The following CNIH3 variants were observed in gnomAD, a reference collection of about 807,000 sequenced individuals.
CNIH3 encodes the protein protein cornichon homolog 3.
A neutral mutation model predicts 24.1 loss-of-function variants in CNIH3; 14 were observed. That is an observed-to-expected ratio of 0.58 (90% CI 0.38 to 0.91). The LOEUF (loss-of-function observed/expected upper bound fraction) is 0.91, where lower values mean the gene tolerates loss of function less well. Ranked by LOEUF, CNIH3 falls within the 40% of genes least tolerant of loss-of-function variation. The pLI is 0.00. For synonymous variants in CNIH3, 68 were observed against 73.8 expected, an observed-to-expected ratio of 0.92 and a Z score of 0.40; for missense variants, 178 against 196.8, an observed-to-expected ratio of 0.90 and a Z score of 0.57.
At chr1:224,574,828 A>G (rs1680967418) in intron 4 of CNIH3, 6 of 931,788 alleles carry the variant, frequency 6.4e-6, no homozygotes, top group Non-Finnish European at 1.1e-5. Flanking sequence ...GGTAATGGTA[A>G]TGTGGTTCCC....
rs141963406 is a variant in CNIH3 at position 224,497,300 on chromosome 1, A to G, written n.204-18441A>G. 3.3e-3 allele frequency among the ~76,000 whole-genome samples: 497 copies of G among 152,336 alleles called. 30 individuals carry two copies. The South Asian group carries it at 0.086, about 26-fold the overall frequency. ...AATGTTCTAGAATTAGCTAGTGGTG[A>G]TGTTTGCACAACATAGTGAATATAC... is the stretch of plus-strand genomic sequence containing the variant. On this transcript the variant is annotated intron_variant and non_coding_transcript_variant, in intron 1 of 5. Transcript: ENST00000471578.
At chr1:224,489,731 G>A (rs1303018172) in intron 1 of CNIH3, among the ~76,000 whole-genome samples, 1 of 152,182 alleles carries the variant, frequency 6.6e-6, no homozygotes, top group Non-Finnish European at 1.5e-5. Context: ...CCATAGACTG[G>A]GCAGCTTGTA....
chr1:224,445,289 CT>C (rs1054826225), intron 1 of CNIH3, among the ~76,000 whole-genome samples: 4 of 151,664 alleles, frequency 2.6e-5, no homozygotes, highest in African/African-American at 9.7e-5. Flanking sequence ...ATTGTGTTGC[CT>C]TTTGGCCGGG....
intron 1 of CNIH3, among the ~76,000 whole-genome samples, chr1:224,677,531 C>T (rs1428664112): frequency 1.1e-4 from 16 of 152,304 alleles, no homozygotes; most frequent in Non-Finnish European, 2.2e-4. Context: ...TCAGAAAGCA[C>T]CCATGAAGGA....
At chr1:224,506,276 C>T (rs1677908891) in intron 1 of CNIH3, among the ~76,000 whole-genome samples, 1 of 43,618 alleles carries the variant, frequency 2.3e-5, no homozygotes, top group Non-Finnish European at 5.2e-5. Context: ...CACACGCGCG[C>T]GCGCGCGCGC....
chr1:224,728,041 C>T (rs1689126034), intron 3 of CNIH3, among the ~76,000 whole-genome samples: 3 of 152,088 alleles, frequency 2.0e-5, no homozygotes. Context: ...AGAGAAGAAG[C>T]AGTGGTGATT....
intron 3 of CNIH3, among the ~76,000 whole-genome samples, chr1:224,725,633 G>C (rs1290816897): frequency 6.6e-6 from 1 of 152,124 alleles, no homozygotes; most frequent in Non-Finnish European, 1.5e-5. Context: ...TTGGTCCCAG[G>C]CATGCTGACA....
At chr1:224,720,752 G>T (rs747939446) in intron 3 of CNIH3, among the ~76,000 whole-genome samples, 3 of 152,104 alleles carry the variant, frequency 2.0e-5, no homozygotes, top group African/African-American at 4.8e-5. Flanking sequence ...ACTATTCCCT[G>T]GAAGTCTCCC....
At chr1:224,528,568 C>T (rs1678935985) in intron 2 of CNIH3, among the ~76,000 whole-genome samples, 2 of 152,154 alleles carry the variant, frequency 1.3e-5, no homozygotes, top group African/African-American at 2.4e-5. Flanking sequence ...AGTGATCCAC[C>T]TCAGCCTCCT....
At chr1:224,682,871 A>C (rs1236894472) in intron 2 of CNIH3, among the ~76,000 whole-genome samples, 4 of 152,264 alleles carry the variant, frequency 2.6e-5, no homozygotes, top group Admixed American at 2.6e-4. Flanking sequence ...GTCTGATTCC[A>C]GGGCAAATGC....
chr1:224,435,045 C>A, intron 1 of CNIH3: 1 of 985,590 alleles, frequency 1.0e-6, no homozygotes, highest in Non-Finnish European at 1.2e-6. Flanking sequence ...TCGGCTGGCT[C>A]GACGAGCAGT....
In CNIH3 at chr1:224,684,727, G is replaced by A. The variant is rs1686568619; in HGVS notation, c.151-69G>A. On this transcript the variant is annotated intron_variant, in intron 2 of 5. Coordinates refer to ENST00000272133, the MANE Select transcript of CNIH3 (RefSeq NM_152495.2). The surrounding 1 kb of genome is among the most constrained non-coding windows in gnomAD (Gnocchi z 4.2). The stretch of plus-strand genomic sequence containing the variant: ...CCTCCACTATTGGGGCTGATTGCGG[G>A]GCCTTCTCATGCTATTTTAGCAGAA... The A allele has an allele frequency of 1.4e-6, 2 of 1,401,442 alleles. No homozygotes were observed. The highest frequency in any genetic ancestry group is 3.3e-5 in the Admixed American group (2 of 59,738). 86.8% of individuals were successfully genotyped at this position (1,401,442 alleles called of 1,614,324 possible). A position where few individuals can be genotyped will look rare whatever the true frequency, so the allele number is the denominator to read the frequency against.
At chr1:224,644,968 A>G (rs1297064460) in intron 1 of CNIH3, among the ~76,000 whole-genome samples, 2 of 152,214 alleles carry the variant, frequency 1.3e-5, no homozygotes, top group African/African-American at 4.8e-5. Flanking sequence ...TGTGTGGCCA[A>G]CTAAGGACTG....
intron 3 of CNIH3, among the ~76,000 whole-genome samples, chr1:224,711,794 C>CAAAAA (rs11437581): frequency 1.0e-3 from 68 of 65,586 alleles, no homozygotes; most frequent in East Asian, 1.3e-3. Context: ...GACCCTGTCT[C>CAAAAA]AAAAAAAAAA....
chr1:224,466,677 A>C (rs1676164609), intron 1 of CNIH3, among the ~76,000 whole-genome samples: 1 of 152,232 alleles, frequency 6.6e-6, no homozygotes, highest in East Asian at 1.9e-4. Flanking sequence ...AGAAAATGCC[A>C]AAATATTTTC....
upstream of CNIH3, chr1:224,615,475 T>C (rs1160646747): frequency 6.6e-6 from 1 of 152,218 alleles, no homozygotes; most frequent in Admixed American, 6.5e-5. Context: ...ATTGAACGTA[T>C]ACCAAGTGCT....
intron 1 of CNIH3, among the ~76,000 whole-genome samples, chr1:224,492,487 G>A (rs567663643): frequency 6.6e-5 from 10 of 152,332 alleles, no homozygotes; most frequent in South Asian, 2.1e-4. Flanking sequence ...TGACGTAAAG[G>A]TGAAGGAACT....
intron 3 of CNIH3, among the ~76,000 whole-genome samples, chr1:224,726,274 G>GACT (rs1689018564): frequency 6.6e-6 from 1 of 152,224 alleles, no homozygotes; most frequent in Non-Finnish European, 1.5e-5. Context: ...TTTGGAAACA[G>GACT]ACTTACATGG....
chr1:224,522,503 G>A (rs904919028), intron 2 of CNIH3, among the ~76,000 whole-genome samples: 1 of 152,226 alleles, frequency 6.6e-6, no homozygotes, highest in Admixed American at 6.5e-5. Context: ...AGGTATTGCA[G>A]CGTGTCTAAC....
Sources: gnomAD v4.1 joint callset for allele counts (sites outside exome capture counted in the v4.1 genomes callset) on GRCh38, gnomAD v4.1.1 for gene constraint, Gnocchi (gnomAD v3.1) non-coding constraint, MANE v1.5 for transcripts, NCBI Gene and HGNC (gene_info 2026-07-23, HGNC 2026-07-21) for gene names.